The following MRPL55 variants were observed in gnomAD, a reference collection of about 807,000 sequenced individuals.
MRPL55 encodes large ribosomal subunit protein mL55.
A neutral mutation model predicts 10.6 loss-of-function variants in MRPL55; 7 were observed. The observed-to-expected ratio is 0.66, with a 90% CI of 0.38 to 1.24. The LOEUF (loss-of-function observed/expected upper bound fraction) is 1.24, where lower values mean the gene tolerates loss of function less well. Ranked by LOEUF, MRPL55 falls within the 50% of genes most tolerant of loss-of-function variation. MRPL55 has a pLI of 0.02. For missense variants in MRPL55, 148 were observed against 180.3 expected, an observed-to-expected ratio of 0.82 and a Z score of 1.03; for synonymous variants, 57 against 71.8, an observed-to-expected ratio of 0.79 and a Z score of 1.04.
intron 4 of MRPL55, 60 bp downstream of exon 4, chr1:228,107,608 C>T: frequency 1.3e-6 from 2 of 1,513,976 alleles, no homozygotes; most frequent in Non-Finnish European, 9.1e-7. Flanking sequence ...GTCACCAGCA[C>T]CCCCACCACA....
rs2033305963 is a variant in MRPL55 at position 228,107,693 on chromosome 1, T to C, written c.203A>G (p.Tyr68Cys). 2 of 1,613,104 alleles carry C rather than the reference T, an allele frequency of 1.2e-6. No homozygotes were observed. The highest frequency in any genetic ancestry group is 1.7e-6 in the Non-Finnish European group (2 of 1,180,044). ...CGCCAGCATGCGCCGTGGCTCCCTG[T>C]AGCGGATGTGGATGGTGGAGCCATC... The part of the protein sequence containing the change: ...KQDGSTIHIR[Y>C]REPRRMLAMP... Residue 68 changes from tyrosine (Y) to cysteine (C), a missense_variant, in exon 4 of 5, where the codon TAC (tyrosine) becomes TGC (cysteine). By Grantham distance (194) the Tyr-to-Cys change is radical. Coordinates refer to ENST00000336520, the MANE Select transcript of MRPL55 (RefSeq NM_181463.3).
chr1:228,107,636 G>A, intron 4 of MRPL55, 32 bp downstream of exon 4: 1 of 1,606,562 alleles, frequency 6.2e-7, no homozygotes, highest in Non-Finnish European at 8.5e-7. Flanking sequence ...CCCCAGCCCG[G>A]CACCTGGAAG....
intron 3 of MRPL55, 41 bp downstream of exon 3, chr1:228,108,194 C>A: frequency 6.2e-7 from 1 of 1,600,678 alleles, no homozygotes; most frequent in Non-Finnish European, 8.5e-7. Context: ...CTGGGGTGGC[C>A]CCTGACAGTA....
chr1:228,107,682 G>T lies in MRPL55; in HGVS notation c.214C>A (p.Arg72=), dbSNP rs145472694. The change falls in exon 4 of 5, where the codon CGG becomes AGG. Residue 72 remains arginine (R), a synonymous_variant. Transcript: ENST00000336520. ...STIHIRYREP[R]RMLAMPIDLD... The stretch of plus-strand genomic sequence containing the variant: ...GGGAAGCTTACCGCCAGCATGCGCC[G>T]TGGCTCCCTGTAGCGGATGTGGATG... 1.2e-5 allele frequency: 19 copies of T among 1,612,868 alleles called. No homozygotes were observed. The highest frequency in any genetic ancestry group is 1.4e-5 in the Non-Finnish European group (17 of 1,179,866).
At chr1:228,108,571 C>A in intron 2 of MRPL55, 1 of 413,420 alleles carries the variant, frequency 2.4e-6, no homozygotes. Context: ...TGGCCGTTAC[C>A]GAGTCTGCGA....
At chr1:228,107,291 G>C (rs2033231479) in intron 4 of MRPL55, among the ~76,000 whole-genome samples, 1 of 152,164 alleles carries the variant, frequency 6.6e-6, no homozygotes. Flanking sequence ...AGGCATGGTG[G>C]TGTGCACCTG....
At position 228,106,828 on chromosome 1, in the gene MRPL55, C is replaced by CCCCTGGCATGCTCAATCT; in HGVS notation, c.318_319insAGATTGAGCATGCCAGGG (p.Tyr106_Glu107insArgLeuSerMetProGly). On this transcript the variant is annotated inframe_insertion, in exon 5 of 5. Transcript: ENST00000336520. ...TGCAAGTCATCACTGAGCTCCTGCT[C>CCCCTGGCATGCTCAATCT]GTACTCCTTCCTCGACTGGAGCTGA... The CCCCTGGCATGCTCAATCT allele has an allele frequency of 6.2e-7, 1 of 1,614,012 alleles. No individual in the cohort carries two copies.
chr1:228,108,415 A>G, intron 2 of MRPL55, 97 bp from the exon 3 acceptor site: 1 of 776,914 alleles, frequency 1.3e-6, no homozygotes, highest in Non-Finnish European at 2.1e-6. Flanking sequence ...TCCAAGACAC[A>G]TGTAATCACC....
In MRPL55 at chr1:228,107,760, G is replaced by C. The variant is rs2033318591; in HGVS notation, c.136C>G (p.Gln46Glu). ...ACGGGGTAGAGTCGTGCATAAGCCTGGCGGTGCACACGAGTGAGTGAGGCC... is the reference window on the plus strand; with the variant it reads ...ACGGGGTAGAGTCGTGCATAAGCCTCGCGGTGCACACGAGTGAGTGAGGCC... The part of the protein sequence containing the change: ...SRASLTRVHR[Q>E]AYARLYPVLL... The change falls in exon 4 of 5, where the codon CAG becomes GAG. Residue 46 changes from glutamine (Q) to glutamate (E), a missense_variant. Physicochemically the swap from Gln to Glu is conservative, Grantham distance 29. Transcript: ENST00000336520. The C allele has an allele frequency of 6.2e-7, 1 of 1,613,182 alleles. No homozygotes were observed. The highest frequency in any genetic ancestry group is 8.5e-7 in the Non-Finnish European group (1 of 1,180,044).
At position 228,107,636 on chromosome 1, in the gene MRPL55, G is replaced by C. The variant is rs1408470348; in HGVS notation, c.228+32C>G. The C allele has an allele frequency of 3.7e-6, 6 of 1,606,442 alleles. No homozygotes were observed. The Admixed American group carries it at 1.0e-4, about 27-fold the overall frequency. On this transcript the variant is annotated intron_variant, in intron 4 of 4. Coordinates refer to ENST00000336520, the MANE Select transcript of MRPL55 (RefSeq NM_181463.3). Reference sequence around the variant, plus strand: ...CCACCACAGCCTCGACCCCAGCCCGGCACCTGGAAGCACCTGGAGAGGGAA... The same window carrying C: ...CCACCACAGCCTCGACCCCAGCCCGCCACCTGGAAGCACCTGGAGAGGGAA...
intron 3 of MRPL55, 149 bp from the exon 4 acceptor site, chr1:228,108,018 CT>C (rs2033365287): frequency 6.5e-7 from 1 of 1,544,440 alleles, no homozygotes; most frequent in Non-Finnish European, 8.8e-7. Flanking sequence ...AGCCTCGGGG[CT>C]TCCTCAGGAG....
At position 228,106,811 on chromosome 1, in the gene MRPL55, A is replaced by T; in HGVS notation, c.336T>A (p.Asp112Glu). The stretch of plus-strand genomic sequence containing the variant: ...GTCGGTAGCGCTCCACATGCAAGTC[A>T]TCACTGAGCTCCTGCTCGTACTCCT... ...SRKEYEQELSDDLHVERYRQF... is the reference protein window; with the variant it reads ...SRKEYEQELSEDLHVERYRQF... Residue 112 changes from aspartate to glutamate, a missense_variant, in exon 5 of 5, where the codon GAT becomes GAA. Physicochemically the swap from Asp to Glu is conservative, Grantham distance 45 (BLOSUM62 2). Transcript: ENST00000336520. The T allele has an allele frequency of 6.2e-7, 1 of 1,614,028 alleles. No individual in the cohort carries two copies.
intron 2 of MRPL55, 72 bp from the exon 3 acceptor site, chr1:228,108,390 C>T: frequency 9.7e-7 from 1 of 1,027,796 alleles, no homozygotes; most frequent in Non-Finnish European, 1.4e-6. Flanking sequence ...TTATCAAATC[C>T]CAGCCCAGGA....
rs139933214 is a variant in MRPL55, at chr1:228,107,185, T to C, written c.229-267A>G. Among the ~76,000 whole-genome samples the C allele has an allele frequency of 1.6e-3, 245 of 152,256 alleles. 3 individuals carry two copies. In the East Asian group the frequency reaches 0.04, roughly 25 times the overall value. On this transcript the variant is annotated intron_variant, in intron 4 of 4. Coordinates refer to ENST00000336520, the MANE Select transcript of MRPL55 (RefSeq NM_181463.3). ...TGTAATCCCAGTGCTTTGGGAGGCC[T>C]AGGTGAGAGGATCGCTTGAGCCCAG...
chr1:228,107,093 CTG>C (rs1437597965), intron 4 of MRPL55, among the ~76,000 whole-genome samples, 175 bp from the exon 5 acceptor site: 2 of 152,198 alleles, frequency 1.3e-5, no homozygotes, highest in South Asian at 2.1e-4. Context: ...ATAAATTGTT[CTG>C]TGTTTTCCCC....
chr1:228,108,284 C>G lies in MRPL55; in HGVS notation c.-24G>C. On this transcript the variant is annotated 5_prime_UTR_variant, in exon 3 of 5. Transcript: ENST00000336520. ...ATTCCTCCTTACAGCCCCAGTGGCA[C>G]GTGGAGGTGGTCAGTACAGGCCCTG... The G allele has an allele frequency of 6.2e-7, 1 of 1,609,138 alleles. No homozygotes were observed. Among genetic ancestry groups the G allele is most frequent in the Non-Finnish European group, 8.5e-7 (1 of 1,178,050 alleles).
At position 228,106,745 on chromosome 1, in the gene MRPL55, T is replaced by G; in HGVS notation, c.*15A>C. On this transcript the variant is annotated 3_prime_UTR_variant, in exon 5 of 5. Coordinates refer to ENST00000336520, the MANE Select transcript of MRPL55 (RefSeq NM_181463.3). ...CTCCCATCTTAGCAATGTCCCGGGG[T>G]GGCTGGAGCCACGGTCACTTCTTGG... The G allele has an allele frequency of 1.9e-6, 3 of 1,603,392 alleles. No homozygotes were observed. The highest frequency in any genetic ancestry group is 2.2e-5 in the South Asian group (2 of 89,592).
chr1:228,107,597 G>A, intron 4 of MRPL55, 71 bp downstream of exon 4: 1 of 1,411,934 alleles, frequency 7.1e-7, no homozygotes, highest in Non-Finnish European at 9.9e-7. Flanking sequence ...GAAGGCGACT[G>A]GTCACCAGCA....
rs755449524 is a variant in MRPL55 at position 228,107,663 on chromosome 1, CT to C, written c.228+4del. ...ACCTGGAAGCACCTGGAGAGGGAAG[CT>C]TACCGCCAGCATGCGCCGTGGCTCC... On this transcript the variant is annotated splice_donor_region_variant and intron_variant, in intron 4 of 4. Coordinates refer to ENST00000336520, the MANE Select transcript of MRPL55 (RefSeq NM_181463.3). The C allele has an allele frequency of 3.1e-6, 5 of 1,612,380 alleles. No individual in the cohort carries two copies. In the Admixed American group the frequency reaches 8.3e-5, roughly 27 times the overall value.
Sources: gnomAD v4.1 joint callset for allele counts (sites outside exome capture counted in the v4.1 genomes callset) on GRCh38, gnomAD v4.1.1 for gene constraint, MANE v1.5 for transcripts, NCBI Gene and HGNC (gene_info 2026-07-23, HGNC 2026-07-21) for gene names.